The following DDX11 variants were observed in gnomAD, a reference collection of about 807,000 sequenced individuals.
DDX11 encodes DEAD/H-box helicase 11.
DDX11 carries 72 observed loss-of-function variants against 125.2 expected under a neutral mutation model. The ratio of observed to expected loss-of-function variants is 0.58; its 90% CI spans 0.48 to 0.70. The LOEUF is 0.70. DDX11 is among the 30% of genes least tolerant of loss of function. The probability of loss-of-function intolerance (pLI) is 0.00; values close to 1 mark genes in which losing one functional copy is unlikely to be tolerated. For synonymous variants in DDX11, 347 were observed against 452.6 expected (o/e 0.77, Z 2.96); for missense variants, 883 against 1,165.0 (o/e 0.76, Z 3.52).
chr12:31,083,403 G>A (rs1022624369), intron 2 of DDX11, among the ~76,000 whole-genome samples: 6 of 151,996 alleles, frequency 3.9e-5, no homozygotes, highest in African/African-American at 1.2e-4. Flanking sequence ...CACGAAGGCC[G>A]CGCGGTCACT....
chr12:31,078,291 A>G (rs1315699484), intron 1 of DDX11, 99 bp from the exon 2 acceptor site: 7 of 1,610,752 alleles, frequency 4.3e-6, no homozygotes, highest in African/African-American at 1.3e-5. Flanking sequence ...GAAATTTGGT[A>G]ATAAGTGTGG....
rs1169113614 is a variant in DDX11, at chr12:31,102,193, G to A, written c.2203-50G>A. On this transcript the variant is annotated intron_variant, in intron 21 of 26. Transcript: ENST00000542838. ...AACACAAGGCCACGAGCAGACTCGAGACCTGGCACCCTGAACCTGTCTCTG... is the reference window on the plus strand; with the variant it reads ...AACACAAGGCCACGAGCAGACTCGAAACCTGGCACCCTGAACCTGTCTCTG... 13 of 1,598,342 alleles carry A rather than the reference G, an allele frequency of 8.1e-6. No homozygotes were observed. The East Asian group carries it at 2.7e-4, about 33-fold the overall frequency.
Position 31,076,888 on chromosome 12 carries a change from A to G in DDX11, c.-4-1502A>G, listed in dbSNP as rs60118847. On this transcript the variant is annotated intron_variant, in intron 1 of 26. Coordinates refer to ENST00000542838, the MANE Select transcript of DDX11 (RefSeq NM_030653.4). The stretch of plus-strand genomic sequence containing the variant: ...CCCAGAATGTCTAACAAAACAGCCA[A>G]ATATACCTCTGTGAAGACAGAGGGT... The G allele has an allele frequency of 9.1e-3, 1,393 of 152,684 alleles. 25 individuals are homozygous for G. Among genetic ancestry groups the G allele is most frequent in the African/African-American group, 0.032 (1,312 of 41,562 alleles). 9.5% of individuals were successfully genotyped at this position (152,684 alleles called of 1,614,324 possible). A position where few individuals can be genotyped will look rare whatever the true frequency, so the allele number is the denominator to read the frequency against.
chr12:31,088,203 GCCTGGGGAGTCCTCT>G (rs1414453629), intron 6 of DDX11, among the ~76,000 whole-genome samples: 5 of 152,004 alleles, frequency 3.3e-5, no homozygotes, highest in Admixed American at 6.5e-5. Context: ...TGGGGTCAGG[GCCTGGGGAGTCCTCT>G]CCTGGGGAGA....
At chr12:31,093,734 A>AG (rs1944695697) in intron 12 of DDX11, 1 of 210,358 alleles carries the variant, frequency 4.8e-6, no homozygotes, top group East Asian at 1.7e-4. Flanking sequence ...AAAAAAAAAA[A>AG]AAAAAAAAAA....
intron 1 of DDX11, chr12:31,076,995 CT>C (rs1940814775): frequency 6.5e-6 from 1 of 152,902 alleles, no homozygotes; most frequent in African/African-American, 2.4e-5. Context: ...TTAATTGCCC[CT>C]AAACCGAAGA....
Position 31,102,265 on chromosome 12 carries a change from C to A in DDX11, c.2225C>A (p.Ala742Glu). The change falls in exon 22 of 27, where the codon GCA (alanine) becomes GAA (glutamate). Residue 742 changes from alanine (A) to glutamate (E), a missense_variant. Transcript: ENST00000542838. ...RKKIFQEPKSAHQVEQVLLAY... is the reference protein window; with the variant it reads ...RKKIFQEPKSEHQVEQVLLAY... ...CAGATATTCCAGGAACCTAAGAGCG[C>A]ACACCAGGTGGAGCAGGTGCTGCTG... 6.2e-7 allele frequency: 1 copy of A among 1,614,058 alleles called. No homozygotes were observed. The highest frequency in any genetic ancestry group is 8.5e-7 in the Non-Finnish European group (1 of 1,179,916).
At position 31,089,953 on chromosome 12, in the gene DDX11, C is replaced by G. The variant is rs535836530; in HGVS notation, c.948C>G (p.Pro316=). ...RRRQEKQAAC[P]FYNHEQMGLL... ...GGCAGGAGAAGCAGGCAGCCTGCCC[C>G]TTCTACAACCACGAGCAGATGGGCC... The change falls in exon 9 of 27, where the codon CCC becomes CCG. Residue 316 remains proline, a synonymous_variant. Coordinates refer to ENST00000542838, the MANE Select transcript of DDX11 (RefSeq NM_030653.4). 6.2e-7 allele frequency: 1 copy of G among 1,601,004 alleles called. No individual in the cohort carries two copies. The highest frequency in any genetic ancestry group is 1.3e-5 in the African/African-American group (1 of 74,756).
Position 31,078,544 on chromosome 12 carries a change from A to G in DDX11, c.144+7A>G, listed in dbSNP as rs753315620. On this transcript the variant is annotated splice_region_variant and intron_variant, in intron 2 of 26. Transcript: ENST00000542838. The stretch of plus-strand genomic sequence containing the variant: ...TGAGAGTCCAACTGGCACTGTGAGT[A>G]TGAACAGTGAGAGATACTGAAAAGG... The G allele has an allele frequency of 1.2e-6, 2 of 1,611,952 alleles. No individual in the cohort carries two copies. The highest frequency in any genetic ancestry group is 1.3e-5 in the African/African-American group (1 of 74,972).
chr12:31,089,599 G>T (rs1056652202), intron 8 of DDX11, 109 bp downstream of exon 8: 6 of 1,231,326 alleles, frequency 4.9e-6, no homozygotes, highest in South Asian at 1.3e-5. Context: ...TGGCAGAGGA[G>T]ACCCCAGTTC....
rs148694746 is a variant in DDX11, at chr12:31,102,987, G to T, written c.2424G>T (p.Leu808=). ...MPFPNIRSAE[L]QEKMAYLDQT... ...TCCCCAACATCAGGTCTGCAGAGCT[G>T]CAGGAGAAGATGGCCTACTTGGATC... The change falls in exon 24 of 27, where the codon CTG becomes CTT. Residue 808 remains leucine, a synonymous_variant. Transcript: ENST00000542838. 2.3e-4 allele frequency: 379 copies of T among 1,613,868 alleles called. No individual in the cohort carries two copies. The highest frequency in any genetic ancestry group is 4.8e-4 in the Admixed American group (29 of 59,996).
intron 12 of DDX11, 134 bp downstream of exon 12, chr12:31,093,458 G>A (rs1396288577): frequency 6.6e-6 from 8 of 1,207,970 alleles, no homozygotes; most frequent in African/African-American, 4.5e-5. Context: ...GCTCACGCCT[G>A]TAATCCCAGC....
intron 5 of DDX11, among the ~76,000 whole-genome samples, chr12:31,085,777 G>A (rs1000479727): frequency 6.6e-6 from 1 of 152,182 alleles, no homozygotes; most frequent in African/African-American, 2.4e-5. Flanking sequence ...GGACATAGAA[G>A]GGAAGAAGAC....
At position 31,103,828 on chromosome 12, in the gene DDX11, T is replaced by A. The variant is rs1946836925; in HGVS notation, c.2713T>A (p.Ser905Thr). ...CCAGTTTCACCGGGAGAAGTCGGCC[T>A]CTTCCTGATGGGCAACCACACCACT... is the stretch of plus-strand genomic sequence containing the variant. ...VQKFHREKSA[S>T]S Residue 905 changes from serine to threonine, a missense_variant, in exon 27 of 27, where the codon TCT becomes ACT. By Grantham distance (58) the Ser-to-Thr change is moderately conservative. Transcript: ENST00000542838. The A allele has an allele frequency of 1.2e-6, 2 of 1,613,940 alleles. No individual in the cohort carries two copies. The highest frequency in any genetic ancestry group is 1.7e-6 in the Non-Finnish European group (2 of 1,179,870).
At chr12:31,095,218 T>C (rs1945013883) in intron 14 of DDX11, among the ~76,000 whole-genome samples, 2 of 152,230 alleles carry the variant, frequency 1.3e-5, no homozygotes, top group African/African-American at 2.4e-5. Flanking sequence ...ACTCCAGGTC[T>C]GTGTACCCAG....
intron 2 of DDX11, among the ~76,000 whole-genome samples, chr12:31,082,865 T>G (rs1456390972): frequency 6.6e-6 from 1 of 152,196 alleles, no homozygotes; most frequent in East Asian, 1.9e-4. Context: ...TTCAGGCCCC[T>G]TTCCTTGGCT....
chr12:31,096,018 CTT>C lies in DDX11; in HGVS notation c.1483-312_1483-311del, dbSNP rs10587699. Among the ~76,000 whole-genome samples, 169 of 150,202 alleles carry C rather than the reference CTT, an allele frequency of 1.1e-3. 3 individuals carry two copies. Among genetic ancestry groups the C allele is most frequent in the South Asian group, 0.01 (48 of 4,770 alleles). On this transcript the variant is annotated intron_variant, in intron 14 of 26. Coordinates refer to ENST00000542838, the MANE Select transcript of DDX11 (RefSeq NM_030653.4). ...TCTGTGGCTTTGCTCATAGAAGTTCCTTTTTTTTTTTTAACTCTTTGTCACCT... is the reference window on the plus strand; with the variant it reads ...TCTGTGGCTTTGCTCATAGAAGTTCCTTTTTTTTTTAACTCTTTGTCACCT...
intron 21 of DDX11, 68 bp downstream of exon 21, chr12:31,102,050 G>T: frequency 6.3e-7 from 1 of 1,585,362 alleles, no homozygotes; most frequent in African/African-American, 1.3e-5. Flanking sequence ...GGGAGCTCTC[G>T]TGCTCATCGG....
intron 20 of DDX11, 122 bp downstream of exon 20, chr12:31,101,252 C>G: frequency 1.2e-6 from 1 of 812,578 alleles, no homozygotes; most frequent in Middle Eastern, 2.6e-4. Flanking sequence ...ACAGGGACAC[C>G]CGCTTAGAGC....
Sources: allele counts gnomAD v4.1 joint callset (sites outside exome capture counted in the v4.1 genomes callset), GRCh38; gene constraint gnomAD v4.1.1; transcripts MANE v1.5; gene names NCBI Gene and HGNC (gene_info 2026-07-23, HGNC 2026-07-21).